The following FXN variants were observed in gnomAD, a reference collection of about 807,000 sequenced individuals.
FXN encodes the protein frataxin, mitochondrial.
In FXN, 14 loss-of-function variants were observed where a neutral mutation model predicts 22.4. That is an observed-to-expected ratio of 0.62 (90% confidence interval 0.41 to 0.98). FXN has a LOEUF of 0.98. Among genes scored for constraint, FXN ranks in the 50% least tolerant of loss-of-function variants. The pLI, the probability that FXN is intolerant of heterozygous loss-of-function variation, is 0.00. For missense variants in FXN, 267 were observed against 268.4 expected, an observed-to-expected ratio of 0.99 and a Z score of 0.04; for synonymous variants, 120 against 114.1, an observed-to-expected ratio of 1.05 and a Z score of -0.33.
chr9:69,066,836 C>T (rs1206167402), intron 4 of FXN, among the ~76,000 whole-genome samples: 3 of 149,118 alleles, frequency 2.0e-5, no homozygotes, highest in Non-Finnish European at 4.4e-5. Flanking sequence ...ATGCCGTTTA[C>T]TGTCACAGAT....
At chr9:69,046,227 AT>A (rs574694794) in intron 1 of FXN, among the ~76,000 whole-genome samples, 157 bp from the exon 2 acceptor site, 133 of 152,166 alleles carry the variant, frequency 8.7e-4, no homozygotes, top group African/African-American at 3.1e-3. Context: ...AGAGAGGATA[AT>A]TTTTTTTAAG....
Position 69,077,128 on chromosome 9 carries a change from G to A in FXN, c.*4366G>A, listed in dbSNP as rs1414119300. The A allele has an allele frequency of 3.8e-5, 22 of 578,716 alleles. No individual in the cohort carries two copies. Among genetic ancestry groups the A allele is most frequent in the Non-Finnish European group, 4.6e-5 (21 of 458,872 alleles). 35.8% of individuals were successfully genotyped at this position (578,716 alleles called of 1,614,324 possible). A position where few individuals can be genotyped will look rare whatever the true frequency, so the allele number is the denominator to read the frequency against. On this transcript the variant is annotated 3_prime_UTR_variant, in exon 5 of 5. Coordinates refer to ENST00000484259, the MANE Select transcript of FXN (RefSeq NM_000144.5). ...GGGGTTTCACCATCATGGCCAGGCT[G>A]GTCTTGAACTCCTGACCTAGTAATC...
chr9:69,042,141 G>C (rs1231702625), intron 1 of FXN, among the ~76,000 whole-genome samples: 1 of 152,044 alleles, frequency 6.6e-6, no homozygotes, highest in Non-Finnish European at 1.5e-5. Context: ...AGGAGGCTGA[G>C]GCAGGAGAAT....
At chr9:69,040,495 C>T (rs1831637783) in intron 1 of FXN, among the ~76,000 whole-genome samples, 1 of 151,962 alleles carries the variant, frequency 6.6e-6, no homozygotes, top group South Asian at 2.1e-4. Flanking sequence ...GATGAAACCC[C>T]ATCTCTACTA....
intron 4 of FXN, among the ~76,000 whole-genome samples, chr9:69,065,647 C>T (rs1255526828): frequency 6.6e-6 from 1 of 151,940 alleles, no homozygotes; most frequent in Non-Finnish European, 1.5e-5. Context: ...ACTCTAGTTA[C>T]ATAACTTCTC....
intron 3 of FXN, among the ~76,000 whole-genome samples, chr9:69,056,314 G>C (rs1831958153): frequency 1.3e-5 from 2 of 152,228 alleles, no homozygotes; most frequent in African/African-American, 4.8e-5. Context: ...AATTTATGCT[G>C]AGAGGCGTAG....
chr9:69,057,981 A>C (rs1431865877), intron 3 of FXN, among the ~76,000 whole-genome samples: 1 of 152,244 alleles, frequency 6.6e-6, no homozygotes, highest in African/African-American at 2.4e-5. Context: ...GTAGGGACTT[A>C]ATAAATATTG....
rs1052531098 is a variant in FXN at position 69,074,334 on chromosome 9, CAA to C, written c.*1574_*1575del. 5.3e-5 allele frequency: 52 copies of C among 985,112 alleles called. No individual in the cohort carries two copies. Among genetic ancestry groups the C allele is most frequent in the Non-Finnish European group, 6.0e-5 (50 of 829,884 alleles). The allele number at this position is 985,112 out of a possible 1,614,324, so 61.0% of individuals were successfully genotyped here. ...AGCCTCCAGGACATTAAAATTCATG[CAA>C]AGTTATGCTCATGTTATATTATTTT... is the stretch of plus-strand genomic sequence containing the variant. On this transcript the variant is annotated 3_prime_UTR_variant, in exon 5 of 5. Coordinates refer to ENST00000484259, the MANE Select transcript of FXN (RefSeq NM_000144.5).
intron 3 of FXN, among the ~76,000 whole-genome samples, chr9:69,062,842 C>T (rs1250207414): frequency 2.0e-5 from 3 of 150,388 alleles, no homozygotes; most frequent in East Asian, 3.9e-4. Flanking sequence ...GTACACTTAA[C>T]ATGGTTAATA....
chr9:69,076,395 C>CT lies in FXN; in HGVS notation c.*3634dup. 3 of 985,330 alleles carry CT rather than the reference C, an allele frequency of 3.0e-6. No homozygotes were observed. Among genetic ancestry groups the CT allele is most frequent in the Non-Finnish European group, 3.6e-6 (3 of 829,882 alleles). 61.0% of individuals were successfully genotyped at this position (985,330 alleles called of 1,614,324 possible). On this transcript the variant is annotated 3_prime_UTR_variant, in exon 5 of 5. Transcript: ENST00000484259. ...TCTCCCAAAATATGGATGACGTTCC[C>CT]TACTCAACCTTGAACTTAATCAAAA...
chr9:69,056,435 A>C (rs1434814084), intron 3 of FXN, among the ~76,000 whole-genome samples: 1 of 152,258 alleles, frequency 6.6e-6, no homozygotes, highest in Non-Finnish European at 1.5e-5. Context: ...CATGTCTCCC[A>C]TGTTCACCTT....
intron 1 of FXN, among the ~76,000 whole-genome samples, chr9:69,037,281 A>AG (rs1554758751): frequency 4.9e-4 from 3 of 6,104 alleles, no homozygotes; most frequent in Non-Finnish European, 1.8e-3. Context: ...AAAAAAAAAA[A>AG]AAAAAGAAGA....
chr9:69,049,499 A>G (rs972354189), intron 2 of FXN, among the ~76,000 whole-genome samples: 6 of 152,214 alleles, frequency 3.9e-5, no homozygotes, highest in Admixed American at 3.9e-4. Flanking sequence ...ATTGTCTAGC[A>G]GCCCCTGGTG....
At chr9:69,040,365 G>T (rs1167719507) in intron 1 of FXN, among the ~76,000 whole-genome samples, 1 of 152,136 alleles carries the variant, frequency 6.6e-6, no homozygotes, top group Admixed American at 6.5e-5. Flanking sequence ...ACATAGAAAA[G>T]GATATGTAAA....
chr9:69,067,106 C>T (rs1014427154), intron 4 of FXN, among the ~76,000 whole-genome samples: 2 of 152,222 alleles, frequency 1.3e-5, no homozygotes, highest in Admixed American at 6.5e-5. Flanking sequence ...TGGGAAGTGG[C>T]GGCAAGACGG....
rs76940605 is a variant in FXN at position 69,068,371 on chromosome 9, C to T, written c.482+3336C>T. Among the ~76,000 whole-genome samples, 1,356 of 152,342 alleles carry T rather than the reference C, an allele frequency of 8.9e-3. 14 individuals carry two copies. The highest frequency in any genetic ancestry group is 0.031 in the African/African-American group (1,291 of 41,584). ...CTAGAACATGGGGTGCCTCCCCTCC[C>T]CCCAGCCCAACAGAAGTTCTACAAT... On this transcript the variant is annotated intron_variant, in intron 4 of 4. Transcript: ENST00000484259.
intron 3 of FXN, among the ~76,000 whole-genome samples, chr9:69,056,330 C>T (rs7860403): frequency 0.074 from 11,198 of 152,230 alleles, 581 homozygotes; most frequent in African/African-American, 0.15. Flanking sequence ...CGTAGCTAAG[C>T]ATACATATTC....
intron 4 of FXN, among the ~76,000 whole-genome samples, chr9:69,068,450 T>C (rs566844457): frequency 6.6e-6 from 1 of 150,496 alleles, no homozygotes; most frequent in East Asian, 2.0e-4. Flanking sequence ...GGGTTCCGAG[T>C]GGTGATTTGT....
rs1185317024 is a variant in FXN, at chr9:69,076,921, C to G, written c.*4159C>G. 1 of 984,746 alleles carries G rather than the reference C, an allele frequency of 1.0e-6. No individual in the cohort carries two copies. Among genetic ancestry groups the G allele is most frequent in the African/African-American group, 1.7e-5 (1 of 57,176 alleles). 61.0% of individuals were successfully genotyped at this position (984,746 alleles called of 1,614,324 possible). ...ACTTTGTGTATAGAGTAAGAAATGC[C>G]TTTTCTTTTTTGAGACAGAGTCTTG... On this transcript the variant is annotated 3_prime_UTR_variant, in exon 5 of 5. Coordinates refer to ENST00000484259, the MANE Select transcript of FXN (RefSeq NM_000144.5).
Sources: gnomAD v4.1 joint callset for allele counts (sites outside exome capture counted in the v4.1 genomes callset) on GRCh38, gnomAD v4.1.1 for gene constraint, MANE v1.5 for transcripts, NCBI Gene and HGNC (gene_info 2026-07-23, HGNC 2026-07-21) for gene names.